The following KCNMB4 variants were observed in gnomAD, a reference collection of about 807,000 sequenced individuals.
KCNMB4 encodes potassium calcium-activated channel subfamily M regulatory beta subunit 4.
KCNMB4 carries 3 observed loss-of-function variants against 20.7 expected under a neutral mutation model. The ratio of observed to expected loss-of-function variants is 0.14; its 90% CI spans 0.07 to 0.37. KCNMB4 has a LOEUF of 0.37. Ranked by LOEUF, KCNMB4 falls within the 10% of genes least tolerant of loss-of-function variation. The pLI is 1.00. For synonymous variants in KCNMB4, 110 were observed against 113.4 expected (o/e 0.97, Z 0.19); for missense variants, 168 against 265.9 (o/e 0.63, Z 2.56).
intron 2 of KCNMB4, among the ~76,000 whole-genome samples, chr12:70,407,176 A>G (rs529924216): frequency 6.6e-6 from 1 of 152,252 alleles, no homozygotes; most frequent in African/African-American, 2.4e-5. Context: ...ATAATTTGCT[A>G]GAATGGCTCA....
At chr12:70,419,510 T>C (rs1400489320) in intron 2 of KCNMB4, among the ~76,000 whole-genome samples, 1 of 152,204 alleles carries the variant, frequency 6.6e-6, no homozygotes, top group African/African-American at 2.4e-5. Context: ...ACTTGTTACC[T>C]CTGAATTTCT....
intron 1 of KCNMB4, among the ~76,000 whole-genome samples, chr12:70,382,373 C>CGGGG (rs1311122811): frequency 2.9e-5 from 4 of 136,836 alleles, no homozygotes; most frequent in East Asian, 2.1e-4. Context: ...GCGGAGCTTG[C>CGGGG]AGTGAGCGGA....
chr12:70,406,917 C>T (rs569436715), intron 2 of KCNMB4, among the ~76,000 whole-genome samples: 3 of 152,226 alleles, frequency 2.0e-5, no homozygotes, highest in East Asian at 1.9e-4. Flanking sequence ...TTTGTACTCT[C>T]GCAACAATTC....
intron 2 of KCNMB4, among the ~76,000 whole-genome samples, chr12:70,413,972 A>C (rs1868851520): frequency 6.6e-6 from 1 of 152,110 alleles, no homozygotes; most frequent in East Asian, 1.9e-4. Context: ...GGTGGCTCAC[A>C]CTTGTAATCC....
At chr12:70,411,578 T>C (rs559429472) in intron 2 of KCNMB4, among the ~76,000 whole-genome samples, 3 of 152,208 alleles carry the variant, frequency 2.0e-5, no homozygotes, top group Admixed American at 6.5e-5. Context: ...CGCCACAGAA[T>C]AGCTTATCAC....
intron 2 of KCNMB4, among the ~76,000 whole-genome samples, chr12:70,402,413 C>T (rs918659990): frequency 2.6e-5 from 4 of 151,874 alleles, no homozygotes; most frequent in Non-Finnish European, 4.4e-5. Context: ...AAGACTGAGG[C>T]GGGAGGATCA....
chr12:70,427,669 T>C lies in KCNMB4; in HGVS notation c.465-2816T>C, dbSNP rs1403395728. Among the ~76,000 whole-genome samples, 3 of 152,180 alleles carry C rather than the reference T, an allele frequency of 2.0e-5. No individual in the cohort carries two copies. The East Asian group carries it at 5.8e-4, about 29-fold the overall frequency. ...AAGAAGTTTCTGAATAAAACAAATA[T>C]CTGGGTCCAGCATTTTCCAGTTATT... On this transcript the variant is annotated intron_variant, in intron 2 of 2. Coordinates refer to ENST00000258111, the MANE Select transcript of KCNMB4 (RefSeq NM_014505.6).
intron 1 of KCNMB4, among the ~76,000 whole-genome samples, chr12:70,374,005 A>G (rs1593320576): frequency 6.6e-6 from 1 of 152,122 alleles, no homozygotes; most frequent in Admixed American, 6.6e-5. Flanking sequence ...AACAAAAGCA[A>G]TCTAATCTGC....
chr12:70,408,508 T>C (rs1418869579), intron 2 of KCNMB4, among the ~76,000 whole-genome samples: 1 of 152,174 alleles, frequency 6.6e-6, no homozygotes, highest in Non-Finnish European at 1.5e-5. Flanking sequence ...AGCTTTCCAC[T>C]GGTTAAGTCC....
intron 1 of KCNMB4, among the ~76,000 whole-genome samples, chr12:70,390,383 G>A (rs1216369077): frequency 1.3e-5 from 2 of 152,198 alleles, no homozygotes; most frequent in Admixed American, 6.5e-5. Flanking sequence ...CATACAGTGG[G>A]TAAAATGGTA....
rs1290059322 is a variant in KCNMB4 at position 70,432,403 on chromosome 12, GT to G, written c.*1754del. On this transcript the variant is annotated 3_prime_UTR_variant, in exon 3 of 3. Coordinates refer to ENST00000258111, the MANE Select transcript of KCNMB4 (RefSeq NM_014505.6). ...ATAATCTTCTTCTGTTTATTTTTGT[GT>G]TTTGTTTTTTAACAGATGGGTATCT... 5 of 152,092 alleles carry G rather than the reference GT, an allele frequency of 3.3e-5. No homozygotes were observed. The highest frequency in any genetic ancestry group is 1.3e-4 in the Admixed American group (2 of 15,258). 9.4% of individuals were successfully genotyped at this position (152,092 alleles called of 1,614,324 possible). A position where few individuals can be genotyped will look rare whatever the true frequency, so the allele number is the denominator to read the frequency against.
chr12:70,374,398 A>G (rs1395770333), intron 1 of KCNMB4, among the ~76,000 whole-genome samples: 1 of 152,190 alleles, frequency 6.6e-6, no homozygotes, highest in Non-Finnish European at 1.5e-5. Context: ...CAGTACATTT[A>G]TATTACAATT....
intron 2 of KCNMB4, among the ~76,000 whole-genome samples, chr12:70,426,629 CAG>C (rs1869222006): frequency 1.3e-5 from 2 of 152,194 alleles, no homozygotes. Flanking sequence ...ATCTTACAGA[CAG>C]GGTTTCAAAT....
chr12:70,371,784 G>A (rs569679152), intron 1 of KCNMB4, among the ~76,000 whole-genome samples: 1 of 152,332 alleles, frequency 6.6e-6, no homozygotes, highest in African/African-American at 2.4e-5. Flanking sequence ...AGCTATGTGT[G>A]CATTCAGGTG....
At chr12:70,418,263 C>T (rs1868961735) in intron 2 of KCNMB4, among the ~76,000 whole-genome samples, 1 of 152,126 alleles carries the variant, frequency 6.6e-6, no homozygotes, top group South Asian at 2.1e-4. Context: ...TCCCTGGAAA[C>T]GGTTTCTCAC....
intron 1 of KCNMB4, among the ~76,000 whole-genome samples, chr12:70,389,120 T>A (rs142747141): frequency 3.6e-4 from 55 of 152,290 alleles, no homozygotes; most frequent in African/African-American, 1.2e-3. Flanking sequence ...TCTTTATTCT[T>A]TAAATAAATA....
intron 2 of KCNMB4, among the ~76,000 whole-genome samples, chr12:70,403,004 G>A (rs76635524): frequency 0.042 from 6,369 of 152,140 alleles, 245 homozygotes; most frequent in African/African-American, 0.11. Context: ...CCAATCACAA[G>A]AAAGAACAAT....
intron 2 of KCNMB4, among the ~76,000 whole-genome samples, chr12:70,404,620 G>A (rs1565862123): frequency 6.6e-6 from 1 of 152,188 alleles, no homozygotes; most frequent in Non-Finnish European, 1.5e-5. Context: ...AACGAGAATA[G>A]TGGTGGTGAA....
chr12:70,423,177 G>A (rs931426507), intron 2 of KCNMB4, among the ~76,000 whole-genome samples: 1 of 152,004 alleles, frequency 6.6e-6, no homozygotes, highest in African/African-American at 2.4e-5. Flanking sequence ...TAACATACCT[G>A]CCAGTTTTCT....
Sources: gnomAD v4.1 joint callset for allele counts (sites outside exome capture counted in the v4.1 genomes callset) on GRCh38, gnomAD v4.1.1 for gene constraint, MANE v1.5 for transcripts, NCBI Gene and HGNC (gene_info 2026-07-23, HGNC 2026-07-21) for gene names.